Variants in OSBPL6 observed in about 807,000 individuals in gnomAD.
The protein encoded by OSBPL6 is oxysterol binding protein like 6.
Under a neutral mutation model 125.8 loss-of-function variants are expected in OSBPL6, and 49 were observed. That is an observed-to-expected ratio of 0.39 (90% CI 0.31 to 0.49). The LOEUF is 0.49. OSBPL6 is among the 20% of genes least tolerant of loss of function. The pLI is 0.88. For missense variants in OSBPL6, 986 were observed against 1,135.4 expected (o/e 0.87, Z 1.89); for synonymous variants, 394 against 391.8 (o/e 1.01, Z -0.07).
At chr2:178,356,656 A>G (rs1691821066) in intron 12 of OSBPL6, among the ~76,000 whole-genome samples, 2 of 152,220 alleles carry the variant, frequency 1.3e-5, no homozygotes, top group South Asian at 2.1e-4. Context: ...GAAAATGGCT[A>G]TACTGCCCAA....
intron 3 of OSBPL6, among the ~76,000 whole-genome samples, chr2:178,313,686 T>TATA (rs1274376412): frequency 6.6e-6 from 1 of 152,252 alleles, no homozygotes; most frequent in Non-Finnish European, 1.5e-5. Flanking sequence ...TAATGGTCCA[T>TATA]CTTTTAACAA....
Position 178,306,153 on chromosome 2 carries a change from T to C in OSBPL6, c.-32T>C, listed in dbSNP as rs1440614118. 3.0e-6 allele frequency: 4 copies of C among 1,337,000 alleles called. No individual in the cohort carries two copies. In the East Asian group the frequency reaches 9.2e-5, roughly 31 times the overall value. The allele number at this position is 1,337,000 out of a possible 1,614,324, so 82.8% of individuals were successfully genotyped here. On this transcript the variant is annotated 5_prime_UTR_variant, in exon 3 of 25. Transcript: ENST00000190611. ...ATTTGAGAGAAGATTGGGATGGTCT[T>C]AAGTGCATAAAACGAGACTCTAACT...
intron 8 of OSBPL6, 26 bp downstream of exon 8, chr2:178,333,067 G>A (rs747663381): frequency 2.1e-5 from 33 of 1,609,292 alleles, no homozygotes; most frequent in South Asian, 4.4e-5. Flanking sequence ...ATAAAAACCA[G>A]CCTGAAAATT....
chr2:178,372,573 A>C (rs201597866), intron 14 of OSBPL6, among the ~76,000 whole-genome samples: 9 of 11,722 alleles, frequency 7.7e-4, no homozygotes, highest in South Asian at 7.7e-3. Context: ...AAATGTTGCA[A>C]AAAAAAAAAA....
chr2:178,202,674 T>G (rs1157813780), intron 1 of OSBPL6, among the ~76,000 whole-genome samples: 1 of 151,940 alleles, frequency 6.6e-6, no homozygotes, highest in Admixed American at 6.6e-5. Flanking sequence ...ATACAAAAAT[T>G]GGCCGGGCGT....
Position 178,200,222 on chromosome 2 carries a change from C to A in OSBPL6, c.-351+5548C>A, listed in dbSNP as rs377190949. 7.8e-4 allele frequency among the ~76,000 whole-genome samples: 116 copies of A among 148,504 alleles called. 1 individual carries two copies. The highest frequency in any genetic ancestry group is 2.6e-3 in the African/African-American group (106 of 40,362). On this transcript the variant is annotated intron_variant, in intron 1 of 24. Transcript: ENST00000190611. ...CAATAATGTATGAGTTAAATGCAAG[C>A]AAGCAAGGTTCTGTTTCTTCAGACC...
chr2:178,244,296 C>G (rs1208908817), intron 1 of OSBPL6, among the ~76,000 whole-genome samples: 2 of 152,178 alleles, frequency 1.3e-5, no homozygotes, highest in African/African-American at 4.8e-5. Flanking sequence ...ACTACTATAA[C>G]TTAGGTCCTC....
chr2:178,387,225 G>C, intron 20 of OSBPL6, 86 bp downstream of exon 20: 1 of 1,085,384 alleles, frequency 9.2e-7, no homozygotes, highest in Admixed American at 2.7e-5. Flanking sequence ...GATGGTAAGG[G>C]TTTCTTTCTC....
At chr2:178,247,702 G>C (rs1476150446) in intron 1 of OSBPL6, among the ~76,000 whole-genome samples, 2 of 152,058 alleles carry the variant, frequency 1.3e-5, no homozygotes, top group Admixed American at 1.3e-4. Flanking sequence ...ACTTGTAGCT[G>C]GTCCTGAGAA....
chr2:178,312,542 G>A (rs541977648), intron 3 of OSBPL6, among the ~76,000 whole-genome samples: 1 of 151,886 alleles, frequency 6.6e-6, no homozygotes, highest in East Asian at 1.9e-4. Context: ...TGCAACCTCC[G>A]CCTCCCAGGT....
intron 1 of OSBPL6, among the ~76,000 whole-genome samples, chr2:178,220,647 T>C (rs2090299976): frequency 6.6e-6 from 1 of 152,198 alleles, no homozygotes; most frequent in Admixed American, 6.5e-5. Context: ...AAATCTTTGT[T>C]TATAAAATAT....
At chr2:178,202,577 C>T (rs1359078035) in intron 1 of OSBPL6, among the ~76,000 whole-genome samples, 1 of 152,056 alleles carries the variant, frequency 6.6e-6, no homozygotes, top group Admixed American at 6.6e-5. Flanking sequence ...AATCCCAGCA[C>T]TTTGGGAGGC....
At chr2:178,247,404 G>T (rs1182402207) in intron 1 of OSBPL6, among the ~76,000 whole-genome samples, 1 of 151,972 alleles carries the variant, frequency 6.6e-6, no homozygotes, top group Non-Finnish European at 1.5e-5. Flanking sequence ...TGGTTTCTTG[G>T]CAGGGAGAGT....
chr2:178,309,424 A>G (rs956943785), intron 3 of OSBPL6, among the ~76,000 whole-genome samples: 14 of 152,098 alleles, frequency 9.2e-5, no homozygotes, highest in African/African-American at 3.4e-4. Context: ...TTTATTACAA[A>G]TTTTCCATTC....
chr2:178,237,087 C>A (rs541635409), intron 1 of OSBPL6, among the ~76,000 whole-genome samples: 1 of 152,306 alleles, frequency 6.6e-6, no homozygotes, highest in African/African-American at 2.4e-5. Flanking sequence ...GGATAAATAA[C>A]TTTTTGCGTA....
At chr2:178,210,706 G>C (rs191140504) in intron 1 of OSBPL6, among the ~76,000 whole-genome samples, 37 of 152,146 alleles carry the variant, frequency 2.4e-4, no homozygotes, top group African/African-American at 8.7e-4. Flanking sequence ...CAGCTACTTG[G>C]GAGGCTGAGG....
intron 1 of OSBPL6, among the ~76,000 whole-genome samples, chr2:178,224,729 G>T (rs2090478638): frequency 6.6e-6 from 1 of 152,174 alleles, no homozygotes; most frequent in African/African-American, 2.4e-5. Context: ...GAGTCCAGGA[G>T]TTCAAGACCA....
chr2:178,368,188 C>T (rs1175557133), intron 13 of OSBPL6, among the ~76,000 whole-genome samples: 2 of 152,080 alleles, frequency 1.3e-5, no homozygotes, highest in African/African-American at 4.8e-5. Flanking sequence ...TAGACCTAAG[C>T]ACTACCTGAG....
chr2:178,320,431 C>G, intron 3 of OSBPL6: 1 of 1,601,676 alleles, frequency 6.2e-7, no homozygotes, highest in East Asian at 2.2e-5. Flanking sequence ...TCTGTGTGTT[C>G]TAAGTTCCTT....
Sources: allele counts gnomAD v4.1 joint callset (sites outside exome capture counted in the v4.1 genomes callset), GRCh38; gene constraint gnomAD v4.1.1; transcripts MANE v1.5; gene names NCBI Gene and HGNC (gene_info 2026-07-23, HGNC 2026-07-21).